KIF13A: variants seen among roughly 807,000 people sequenced by gnomAD.
KIF13A encodes the protein kinesin-like protein KIF13A.
In KIF13A, 79 loss-of-function variants were observed where a neutral mutation model predicts 212.2. The ratio of observed to expected loss-of-function variants is 0.37; its 90% CI spans 0.31 to 0.45. KIF13A has a LOEUF of 0.45. Ranked by LOEUF, KIF13A falls within the 20% of genes least tolerant of loss-of-function variation. The pLI is 1.00. For synonymous variants in KIF13A, 789 were observed against 808.6 expected (o/e 0.98, Z 0.41); for missense variants, 1,901 against 2,209.0 (o/e 0.86, Z 2.79).
At position 17,816,414 on chromosome 6, in the gene KIF13A, G is replaced by A. The variant is rs113512797; in HGVS notation, c.2000+606C>T. On this transcript the variant is annotated intron_variant, in intron 17 of 38. Coordinates refer to ENST00000259711, the MANE Select transcript of KIF13A (RefSeq NM_022113.6). The surrounding 1 kb of genome is among the most constrained non-coding windows in gnomAD (Gnocchi z 4.3). ...GACAAGGTCTCGTTATGTTGCTCAG[G>A]CTGGTCTTAAACTCCTGGGCTCAAG... Among the ~76,000 whole-genome samples the A allele has an allele frequency of 5.7e-3, 868 of 152,168 alleles. 6 individuals carry two copies. Among genetic ancestry groups the A allele is most frequent in the African/African-American group, 0.02 (818 of 41,514 alleles).
intron 19 of KIF13A, among the ~76,000 whole-genome samples, chr6:17,805,227 G>C (rs535225242): frequency 1.3e-5 from 2 of 152,264 alleles, no homozygotes; most frequent in Non-Finnish European, 1.5e-5. Context: ...AGCCAAATAA[G>C]AATCTACTAT....
At chr6:17,904,220 C>G (rs1362774032) in intron 2 of KIF13A, among the ~76,000 whole-genome samples, 3 of 151,892 alleles carry the variant, frequency 2.0e-5, no homozygotes, top group Non-Finnish European at 4.4e-5. Context: ...GTAATCCCAG[C>G]ACTTTGGAAG....
intron 9 of KIF13A, among the ~76,000 whole-genome samples, chr6:17,842,905 C>T (rs12209417): frequency 0.17 from 25,791 of 151,690 alleles, 2,585 homozygotes; most frequent in South Asian, 0.31. Context: ...CACCGTTTCC[C>T]CTGAAACTCT....
In KIF13A at chr6:17,961,399, A is replaced by G. The variant is rs148420792; in HGVS notation, c.146+25655T>C. Among the ~76,000 whole-genome samples the G allele has an allele frequency of 2.2e-3, 328 of 152,280 alleles. 1 individual carries two copies. Among genetic ancestry groups the G allele is most frequent in the African/African-American group, 7.5e-3 (312 of 41,558 alleles). On this transcript the variant is annotated intron_variant, in intron 2 of 38. Transcript: ENST00000259711. The surrounding 1 kb of genome is among the most constrained non-coding windows in gnomAD (Gnocchi z 4.1). Reference sequence around the variant, plus strand: ...TGTCCCAGCATGAAAGGGACCTAAAACCACCCCAAAATTGGCCCAACAAGC... The same window carrying G: ...TGTCCCAGCATGAAAGGGACCTAAAGCCACCCCAAAATTGGCCCAACAAGC...
intron 2 of KIF13A, among the ~76,000 whole-genome samples, chr6:17,924,016 T>A (rs1322871942): frequency 6.6e-6 from 1 of 152,152 alleles, no homozygotes. Flanking sequence ...AAAAATCTTT[T>A]ACTTTAAGAT....
rs764155100 is a variant in KIF13A at position 17,984,454 on chromosome 6, T to G, written c.146+2600A>C. ...TACTAACCTGGACCTATGCAATGTA[T>G]TACAATACTAGAATTTCAGCAACAA... On this transcript the variant is annotated intron_variant, in intron 2 of 38. Transcript: ENST00000259711. The surrounding 1 kb of genome is among the most constrained non-coding windows in gnomAD (Gnocchi z 5.0). 6 of 895,040 alleles carry G rather than the reference T, an allele frequency of 6.7e-6. No homozygotes were observed. The highest frequency in any genetic ancestry group is 8.0e-6 in the Non-Finnish European group (6 of 749,086). The allele number at this position is 895,040 out of a possible 1,614,324, so 55.4% of individuals were successfully genotyped here. A position where few individuals can be genotyped will look rare whatever the true frequency, so the allele number is the denominator to read the frequency against.
At chr6:17,927,918 C>T (rs140510996) in intron 2 of KIF13A, among the ~76,000 whole-genome samples, 67 of 152,320 alleles carry the variant, frequency 4.4e-4, no homozygotes, top group African/African-American at 1.6e-3. Context: ...GAGGCTGGCA[C>T]CAGCAGACAG....
In KIF13A at chr6:17,774,997, A is replaced by G. The variant is rs748032031; in HGVS notation, c.4218+18T>C. 5 of 1,603,054 alleles carry G rather than the reference A, an allele frequency of 3.1e-6. No individual in the cohort carries two copies. Reference sequence around the variant, plus strand: ...CTAAGATTCTACTAAAAACCTAGCCATGCCCATAGGTGCATACCTTGTCAT... The same window carrying G: ...CTAAGATTCTACTAAAAACCTAGCCGTGCCCATAGGTGCATACCTTGTCAT... On this transcript the variant is annotated intron_variant, in intron 35 of 38. Transcript: ENST00000259711.
At chr6:17,932,850 T>C (rs1776127847) in intron 2 of KIF13A, among the ~76,000 whole-genome samples, 1 of 151,266 alleles carries the variant, frequency 6.6e-6, no homozygotes, top group Non-Finnish European at 1.5e-5. Context: ...CCCATGGAGA[T>C]TTTGCTTAAT....
At chr6:17,877,280 T>C (rs1300194281) in intron 3 of KIF13A, among the ~76,000 whole-genome samples, 2 of 152,280 alleles carry the variant, frequency 1.3e-5, no homozygotes, top group East Asian at 3.9e-4. Flanking sequence ...AGATCCAAAT[T>C]CAATTTTGTT....
chr6:17,822,001 A>G, intron 16 of KIF13A: 1 of 1,340,304 alleles, frequency 7.5e-7, no homozygotes, highest in Non-Finnish European at 1.0e-6. Flanking sequence ...GGGAAGCTCC[A>G]CTGGAACTGG....
At chr6:17,778,626 G>C (rs1760205994) in intron 33 of KIF13A, among the ~76,000 whole-genome samples, 1 of 152,130 alleles carries the variant, frequency 6.6e-6, no homozygotes, top group South Asian at 2.1e-4. Flanking sequence ...GGGTGAGTTA[G>C]CTAACTTCTA....
intron 2 of KIF13A, among the ~76,000 whole-genome samples, chr6:17,978,452 A>C (rs1780778158): frequency 6.6e-6 from 1 of 152,194 alleles, no homozygotes; most frequent in Non-Finnish European, 1.5e-5. Context: ...TTTCATCTAA[A>C]TTTTAGCATT....
intron 25 of KIF13A, among the ~76,000 whole-genome samples, chr6:17,793,923 A>C (rs191033333): frequency 9.3e-4 from 141 of 152,202 alleles, no homozygotes; most frequent in African/African-American, 2.7e-3. Context: ...TTAAAAAAAA[A>C]ACACACACAA....
intron 11 of KIF13A, among the ~76,000 whole-genome samples, chr6:17,835,870 T>TTTTA (rs1477442586): frequency 6.7e-6 from 1 of 149,820 alleles, no homozygotes; most frequent in Non-Finnish European, 1.5e-5. Context: ...TTAACTGTGT[T>TTTTA]TTTCTTTCTT....
rs1781385288 is a variant in KIF13A, at chr6:17,984,590, T to G, written c.146+2464A>C. ...AATGAAAGCTGACCCCATCTGTTTT[T>G]TTTTTTTTTCCCTGGACGTCAATGC... On this transcript the variant is annotated intron_variant, in intron 2 of 38. Transcript: ENST00000259711. This position sits in a 1 kb window ranked among gnomAD's most constrained non-coding sequence, Gnocchi z 5.0. 1.0e-6 allele frequency: 1 copy of G among 983,182 alleles called. No homozygotes were observed. The highest frequency in any genetic ancestry group is 1.7e-5 in the African/African-American group (1 of 57,290). 60.9% of individuals were successfully genotyped at this position (983,182 alleles called of 1,614,324 possible).
chr6:17,951,651 A>T lies in KIF13A; in HGVS notation c.146+35403T>A, dbSNP rs943421604. Among the ~76,000 whole-genome samples, 9 of 151,910 alleles carry T rather than the reference A, an allele frequency of 5.9e-5. No individual in the cohort carries two copies. The highest frequency in any genetic ancestry group is 1.9e-4 in the African/African-American group (8 of 41,324). ...ATTCCCCCAAGCCTAGGCAACCATTAATCTACTTTCTGTCTCCACGAATAT... is the reference window on the plus strand; with the variant it reads ...ATTCCCCCAAGCCTAGGCAACCATTTATCTACTTTCTGTCTCCACGAATAT... On this transcript the variant is annotated intron_variant, in intron 2 of 38. Coordinates refer to ENST00000259711, the MANE Select transcript of KIF13A (RefSeq NM_022113.6). The surrounding 1 kb of genome is among the most constrained non-coding windows in gnomAD (Gnocchi z 4.9).
rs1319327902 is a variant in KIF13A, at chr6:17,849,104, T to C, written c.830+273A>G. Among the ~76,000 whole-genome samples, 1 of 152,116 alleles carries C rather than the reference T, an allele frequency of 6.6e-6. No individual in the cohort carries two copies. Among genetic ancestry groups the C allele is most frequent in the Admixed American group, 6.6e-5 (1 of 15,254 alleles). On this transcript the variant is annotated intron_variant, in intron 9 of 38. Coordinates refer to ENST00000259711, the MANE Select transcript of KIF13A (RefSeq NM_022113.6). This position sits in a 1 kb window ranked among gnomAD's most constrained non-coding sequence, Gnocchi z 5.7. Reference sequence around the variant, plus strand: ...TTTTAGTAGAGATGGGGTTTTGCCATGTTGGCCAGGCTGGTCTCAAACTCC... The same window carrying C: ...TTTTAGTAGAGATGGGGTTTTGCCACGTTGGCCAGGCTGGTCTCAAACTCC...
At chr6:17,859,228 A>G (rs566492039) in intron 4 of KIF13A, among the ~76,000 whole-genome samples, 3 of 152,308 alleles carry the variant, frequency 2.0e-5, no homozygotes, top group South Asian at 2.1e-4. Flanking sequence ...TATGATGTAA[A>G]TGAAACAAAC....
Sources: allele counts gnomAD v4.1 joint callset (sites outside exome capture counted in the v4.1 genomes callset), GRCh38; gene constraint gnomAD v4.1.1; non-coding constraint Gnocchi (gnomAD v3.1); transcripts MANE v1.5; gene names NCBI Gene and HGNC (gene_info 2026-07-23, HGNC 2026-07-21).